The following SQLE variants were observed in gnomAD, a reference collection of about 807,000 sequenced individuals.
SQLE encodes the protein squalene epoxidase, also known as squalene monooxygenase.
In SQLE, 29 loss-of-function variants were observed where a neutral mutation model predicts 60.7. The ratio of observed to expected loss-of-function variants is 0.48; its 90% CI spans 0.36 to 0.65. The LOEUF is 0.65. SQLE is among the 30% of genes least tolerant of loss of function. The pLI is 0.00. For synonymous variants in SQLE, 237 were observed against 246.8 expected (o/e 0.96, Z 0.37); for missense variants, 605 against 684.1 (o/e 0.88, Z 1.29).
rs532492387 is a variant in SQLE at position 125,005,381 on chromosome 8, CTGAAATAGT to C, written c.545-142_545-134del. The C allele has an allele frequency of 1.1e-3, 652 of 608,278 alleles. 6 individuals carry two copies. In the African/African-American group the frequency reaches 0.011, roughly 10 times the overall value. The allele number at this position is 608,278 out of a possible 1,614,324, so 37.7% of individuals were successfully genotyped here. On this transcript the variant is annotated intron_variant, in intron 2 of 10. Transcript: ENST00000265896. ...TGACTTCCAGAAGCATTCACAGTTTCTGAAATAGTTACATTAGTTTTGTTCAGTTCTCCA... is the reference window on the plus strand; with the variant it reads ...TGACTTCCAGAAGCATTCACAGTTTCTACATTAGTTTTGTTCAGTTCTCCA...
At chr8:125,000,384 C>T (rs1216864076) in intron 1 of SQLE, among the ~76,000 whole-genome samples, 1 of 152,198 alleles carries the variant, frequency 6.6e-6, no homozygotes, top group Non-Finnish European at 1.5e-5. Context: ...CCCAAGAGTT[C>T]TCCCAAGAAC....
In SQLE at chr8:124,999,819, A is replaced by AT. The variant is rs998986713; in HGVS notation, c.291+131dup. The stretch of plus-strand genomic sequence containing the variant: ...TAGATGCTTGTATACATTCTCATGT[A>AT]TTTTTTATTTTAAACTCTGCTGTGC... On this transcript the variant is annotated intron_variant, in intron 1 of 10. Transcript: ENST00000265896. 21 of 1,192,230 alleles carry AT rather than the reference A, an allele frequency of 1.8e-5. 1 individual carries two copies. The highest frequency in any genetic ancestry group is 1.6e-4 in the South Asian group (10 of 62,210). The allele number at this position is 1,192,230 out of a possible 1,614,324, so 73.9% of individuals were successfully genotyped here.
intron 8 of SQLE, among the ~76,000 whole-genome samples, 168 bp from the exon 9 acceptor site, chr8:125,018,463 C>T (rs1815144952): frequency 6.6e-6 from 1 of 152,118 alleles, no homozygotes; most frequent in Admixed American, 6.5e-5. Flanking sequence ...TGTCATATAA[C>T]CCATTGCTCT....
At position 125,008,999 on chromosome 8, in the gene SQLE, C is replaced by T; in HGVS notation, c.851C>T (p.Ala284Val). The stretch of plus-strand genomic sequence containing the variant: ...CTCCATGCTCCACTGACTGTTGTTG[C>T]AGATGGGCTTTTCTCCAAGTTCAGG... ...KELHAPLTVV[A>V]DGLFSKFRKS... Residue 284 changes from alanine (A) to valine (V), a missense_variant, in exon 5 of 11, where the codon GCA (alanine) becomes GTA (valine). Coordinates refer to ENST00000265896, the MANE Select transcript of SQLE (RefSeq NM_003129.4). 1.9e-6 allele frequency: 3 copies of T among 1,592,868 alleles called. No homozygotes were observed. The highest frequency in any genetic ancestry group is 1.7e-6 in the Non-Finnish European group (2 of 1,172,364).
intron 6 of SQLE, among the ~76,000 whole-genome samples, chr8:125,010,376 A>C (rs536983199): frequency 1.3e-5 from 2 of 152,320 alleles, no homozygotes; most frequent in African/African-American, 4.8e-5. Context: ...GAATGGGATG[A>C]TATAGGAAAG....
chr8:125,007,252 TA>T (rs144079596), intron 3 of SQLE, 138 bp from the exon 4 acceptor site: 2 of 464,358 alleles, frequency 4.3e-6, no homozygotes, highest in Non-Finnish European at 7.3e-6. Flanking sequence ...AATTAGAAAA[TA>T]AAAAACACAC....
At position 125,005,602 on chromosome 8, in the gene SQLE, A is replaced by G. The variant is rs1321926371; in HGVS notation, c.622A>G (p.Ile208Val). 5 of 1,612,492 alleles carry G rather than the reference A, an allele frequency of 3.1e-6. No individual in the cohort carries two copies. Among genetic ancestry groups the G allele is most frequent in the Non-Finnish European group, 4.2e-6 (5 of 1,178,908 alleles). The change falls in exon 3 of 11, where the codon ATT (isoleucine) becomes GTT (valine). Residue 208 changes from isoleucine (I) to valine (V), a missense_variant. Transcript: ENST00000265896. ...HDQESKSEVQ[I>V]PYPLSENNQV... The stretch of plus-strand genomic sequence containing the variant: ...TCAGGAAAGCAAATCAGAGGTTCAG[A>G]TTCCTTACCCTCTGTCAGAAAACAA...
At chr8:125,000,504 C>T (rs988739578) in intron 1 of SQLE, among the ~76,000 whole-genome samples, 16 of 152,280 alleles carry the variant, frequency 1.1e-4, no homozygotes, top group African/African-American at 3.4e-4. Context: ...AATGCAGTGG[C>T]GTGATCTCGG....
chr8:125,006,746 C>T (rs1335117675), intron 3 of SQLE, among the ~76,000 whole-genome samples: 1 of 150,740 alleles, frequency 6.6e-6, no homozygotes, highest in Non-Finnish European at 1.5e-5. Context: ...GCTCTGTCAC[C>T]CGGGCTGGAG....
intron 7 of SQLE, 194 bp from the exon 8 acceptor site, chr8:125,017,865 A>G (rs1815134392): frequency 8.3e-6 from 5 of 600,510 alleles, no homozygotes; most frequent in South Asian, 6.2e-5. Flanking sequence ...CTGGCCACCT[A>G]TTAGGTACCC....
rs1272381983 is a variant in SQLE at position 125,021,999 on chromosome 8, A to G, written c.*54A>G. ...TATTTGGAACTTACCAAGTCCTAAG[A>G]GACTTTTGGAAGAGGATATATATAG... On this transcript the variant is annotated 3_prime_UTR_variant, in exon 11 of 11. Transcript: ENST00000265896. 3 of 1,405,486 alleles carry G rather than the reference A, an allele frequency of 2.1e-6. No individual in the cohort carries two copies. Among genetic ancestry groups the G allele is most frequent in the East Asian group, 4.9e-5 (2 of 40,724 alleles). 87.1% of individuals were successfully genotyped at this position (1,405,486 alleles called of 1,614,324 possible). A position where few individuals can be genotyped will look rare whatever the true frequency, so the allele number is the denominator to read the frequency against.
Position 125,022,018 on chromosome 8 carries a change from TATATA to T in SQLE, c.*74_*78del. Reference sequence around the variant, plus strand: ...CCTAAGAGACTTTTGGAAGAGGATATATATAGCATAGTACCATACCACTTATAAAG... The same window carrying T: ...CCTAAGAGACTTTTGGAAGAGGATATGCATAGTACCATACCACTTATAAAG... On this transcript the variant is annotated 3_prime_UTR_variant, in exon 11 of 11. Coordinates refer to ENST00000265896, the MANE Select transcript of SQLE (RefSeq NM_003129.4). 3 of 1,175,532 alleles carry T rather than the reference TATATA, an allele frequency of 2.6e-6. No individual in the cohort carries two copies. The highest frequency in any genetic ancestry group is 3.5e-6 in the Non-Finnish European group (3 of 849,834). 72.8% of individuals were successfully genotyped at this position (1,175,532 alleles called of 1,614,324 possible). A position where few individuals can be genotyped will look rare whatever the true frequency, so the allele number is the denominator to read the frequency against.
At chr8:125,010,663 G>A (rs1039169293) in intron 6 of SQLE, among the ~76,000 whole-genome samples, 7 of 151,972 alleles carry the variant, frequency 4.6e-5, no homozygotes, top group Non-Finnish European at 8.8e-5. Context: ...ATTTAGTTAA[G>A]CCACTTTTGA....
chr8:125,004,170 A>C (rs556840811), intron 2 of SQLE, among the ~76,000 whole-genome samples: 29 of 152,308 alleles, frequency 1.9e-4, no homozygotes, highest in Middle Eastern at 3.4e-3. Context: ...CATATTTCCA[A>C]TACTGTTAAC....
chr8:125,018,872 T>G (rs1815153400), intron 9 of SQLE, 145 bp downstream of exon 9: 6 of 616,776 alleles, frequency 9.7e-6, no homozygotes. Context: ...TAAAATTCCA[T>G]TTTGAGCAAT....
chr8:125,012,437 G>T (rs537189082), intron 7 of SQLE, among the ~76,000 whole-genome samples: 44 of 152,200 alleles, frequency 2.9e-4, no homozygotes, highest in African/African-American at 9.9e-4. Flanking sequence ...CCAACACTCA[G>T]CCCTAGGCTA....
intron 1 of SQLE, among the ~76,000 whole-genome samples, chr8:125,002,202 C>G (rs758316955): frequency 6.6e-6 from 1 of 152,046 alleles, no homozygotes; most frequent in East Asian, 1.9e-4. Flanking sequence ...AAATTGTAAA[C>G]AAGTCAAATC....
At chr8:125,004,775 T>A (rs530843491) in intron 2 of SQLE, among the ~76,000 whole-genome samples, 29 of 152,214 alleles carry the variant, frequency 1.9e-4, no homozygotes, top group Middle Eastern at 3.4e-3. Context: ...TAGTTTTTAT[T>A]TTTAAAATTA....
rs1423610958 is a variant in SQLE, at chr8:125,018,168, C to G, written c.1314C>G (p.Ile438Met). The change falls in exon 8 of 11, where the codon ATC becomes ATG. Residue 438 changes from isoleucine (I) to methionine (M), a missense_variant. Coordinates refer to ENST00000265896, the MANE Select transcript of SQLE (RefSeq NM_003129.4). ...IKLWRKLLKG[I>M]PDLYDDAAIF... is the part of the protein sequence containing the mutation. ...TATGGAGAAAACTGCTAAAGGGTAT[C>G]CCTGACCTTTATGATGATGCAGCTA... 3 of 1,611,238 alleles carry G rather than the reference C, an allele frequency of 1.9e-6. No individual in the cohort carries two copies. The highest frequency in any genetic ancestry group is 1.7e-4 in the Middle Eastern group (1 of 6,058).
Sources: allele counts gnomAD v4.1 joint callset (sites outside exome capture counted in the v4.1 genomes callset), GRCh38; gene constraint gnomAD v4.1.1; transcripts MANE v1.5; gene names NCBI Gene and HGNC (gene_info 2026-07-23, HGNC 2026-07-21).